NSD3: variants seen among roughly 807,000 people sequenced by gnomAD.
NSD3 encodes the protein histone-lysine N-methyltransferase NSD3.
Under a neutral mutation model 160.8 loss-of-function variants are expected in NSD3, and 24 were observed. That is an observed-to-expected ratio of 0.15 (90% CI 0.11 to 0.21). NSD3 has a LOEUF of 0.21. Among genes scored for constraint, NSD3 ranks in the 10% least tolerant of loss-of-function variants. The pLI is 1.00. For missense variants in NSD3, 1,157 were observed against 1,735.9 expected, an observed-to-expected ratio of 0.67 and a Z score of 5.93; for synonymous variants, 520 against 600.0, an observed-to-expected ratio of 0.87 and a Z score of 1.95.
chr8:38,370,687 T>C (rs1811223697), intron 1 of NSD3, among the ~76,000 whole-genome samples: 1 of 152,152 alleles, frequency 6.6e-6, no homozygotes, highest in Non-Finnish European at 1.5e-5. Context: ...TTTAAACTGG[T>C]TCAAACCTTT....
intron 19 of NSD3, among the ~76,000 whole-genome samples, chr8:38,282,631 A>G (rs979538875): frequency 6.6e-6 from 1 of 152,202 alleles, no homozygotes; most frequent in African/African-American, 2.4e-5. Flanking sequence ...AGATCGCGCC[A>G]CTGCCCTCCA....
intron 1 of NSD3, among the ~76,000 whole-genome samples, chr8:38,369,668 T>A (rs908556224): frequency 3.3e-5 from 5 of 152,178 alleles, no homozygotes; most frequent in Admixed American, 2.0e-4. Context: ...CAAGAATAAT[T>A]TTCATTTGCA....
intron 1 of NSD3, among the ~76,000 whole-genome samples, chr8:38,379,689 T>A (rs1811488639): frequency 6.6e-6 from 1 of 152,240 alleles, no homozygotes; most frequent in Non-Finnish European, 1.5e-5. Context: ...ACTGAGAGGA[T>A]GTTGCCATTT....
Position 38,318,172 on chromosome 8 carries a change from C to T in NSD3, c.1855+723G>A. The T allele has an allele frequency of 1.0e-6, 1 of 997,176 alleles. No homozygotes were observed. The highest frequency in any genetic ancestry group is 2.7e-5 in the East Asian group (1 of 37,716). The allele number at this position is 997,176 out of a possible 1,614,324, so 61.8% of individuals were successfully genotyped here. On this transcript the variant is annotated intron_variant, in intron 9 of 23. Coordinates refer to ENST00000317025, the MANE Select transcript of NSD3 (RefSeq NM_023034.2). The surrounding 1 kb of genome is among the most constrained non-coding windows in gnomAD (Gnocchi z 5.3). ...GTTCTGCTGAGGATCTCCACGGAGA[C>T]CATCGCTGCAGACTTCTCCCCGAGA...
At chr8:38,307,107 A>G (rs1296329541) in intron 12 of NSD3, among the ~76,000 whole-genome samples, 1 of 141,602 alleles carries the variant, frequency 7.1e-6, no homozygotes, top group Admixed American at 7.2e-5. Flanking sequence ...AGAGCGAGAT[A>G]CCGTCTCAAA....
At chr8:38,298,965 A>C (rs2131003960) in intron 15 of NSD3, among the ~76,000 whole-genome samples, 1 of 152,338 alleles carries the variant, frequency 6.6e-6, no homozygotes, top group East Asian at 1.9e-4. Context: ...CAAACATTTA[A>C]GAAGCCCAAT....
In NSD3 at chr8:38,329,695, G is replaced by T. The variant is rs1475193226; in HGVS notation, c.1264C>A (p.Pro422Thr). Reference protein sequence around the residue: ...SKTEVKKTRRPRSVLNTQPEQ... With the variant: ...SKTEVKKTRRTRSVLNTQPEQ... ...GGCTGAGTATTCAGCACAGATCTTG[G>T]TCGTCGGGTTTTTTTAACTTCGGTT... The change falls in exon 6 of 24, where the codon CCA (proline) becomes ACA (threonine). Residue 422 changes from proline (P) to threonine (T), a missense_variant. By Grantham distance (38) the Pro-to-Thr change is conservative. Transcript: ENST00000317025. This position sits in a 1 kb window ranked among gnomAD's most constrained non-coding sequence, Gnocchi z 4.8. 1 of 1,614,180 alleles carries T rather than the reference G, an allele frequency of 6.2e-7. No homozygotes were observed.
Position 38,337,347 on chromosome 8 carries a change from T to C in NSD3, c.868A>G (p.Ser290Gly). 2 of 1,611,722 alleles carry C rather than the reference T, an allele frequency of 1.2e-6. No homozygotes were observed. Among genetic ancestry groups the C allele is most frequent in the African/African-American group, 1.3e-5 (1 of 74,882 alleles). ...TYPWWPCMVSSDPQLEVHTKI... is the reference protein window; with the variant it reads ...TYPWWPCMVSGDPQLEVHTKI... ...GTATGAACCTCAAGCTGGGGATCACTTGAAACCATACAAGGCCACCAAGGA... is the reference window on the plus strand; with the variant it reads ...GTATGAACCTCAAGCTGGGGATCACCTGAAACCATACAAGGCCACCAAGGA... Residue 290 changes from serine (S) to glycine (G), a missense_variant, in exon 4 of 24, where the codon AGT becomes GGT. Coordinates refer to ENST00000317025, the MANE Select transcript of NSD3 (RefSeq NM_023034.2).
intron 1 of NSD3, among the ~76,000 whole-genome samples, chr8:38,375,353 T>C (rs1811363995): frequency 6.6e-6 from 1 of 152,182 alleles, no homozygotes; most frequent in African/African-American, 2.4e-5. Flanking sequence ...AGAATACTTT[T>C]TCAAAGAGCT....
Position 38,288,432 on chromosome 8 carries a change from T to A in NSD3, c.3501+55A>T, listed in dbSNP as rs1406961744. The A allele has an allele frequency of 5.1e-6, 8 of 1,581,732 alleles. No individual in the cohort carries two copies. Among genetic ancestry groups the A allele is most frequent in the Non-Finnish European group, 1.7e-6 (2 of 1,162,962 alleles). ...CCTAGAACTATACCCTACTGAAGCATTCCTGAAAAGCCAGGTTCTGGTCTC... is the reference window on the plus strand; with the variant it reads ...CCTAGAACTATACCCTACTGAAGCAATCCTGAAAAGCCAGGTTCTGGTCTC... On this transcript the variant is annotated intron_variant, in intron 19 of 23. Coordinates refer to ENST00000317025, the MANE Select transcript of NSD3 (RefSeq NM_023034.2). The surrounding 1 kb of genome is among the most constrained non-coding windows in gnomAD (Gnocchi z 4.5).
chr8:38,298,040 AT>A (rs1255195561), intron 15 of NSD3, among the ~76,000 whole-genome samples: 1 of 152,180 alleles, frequency 6.6e-6, no homozygotes, highest in East Asian at 1.9e-4. Flanking sequence ...CACAAGGGAA[AT>A]AAAAAAAAAT....
In NSD3 at chr8:38,317,650, A is replaced by AT; in HGVS notation, c.1855+1244dup. 8.3e-7 allele frequency: 1 copy of AT among 1,200,722 alleles called. No homozygotes were observed. Among genetic ancestry groups the AT allele is most frequent in the South Asian group, 2.3e-5 (1 of 43,596 alleles). The allele number at this position is 1,200,722 out of a possible 1,614,324, so 74.4% of individuals were successfully genotyped here. ...TGCAGATGTGCATTAATGATGCTTT[A>AT]TTTAAAAACAAAAAACCAAAAACAG... On this transcript the variant is annotated intron_variant, in intron 9 of 23. Transcript: ENST00000317025. The surrounding 1 kb of genome is among the most constrained non-coding windows in gnomAD (Gnocchi z 5.3).
intron 12 of NSD3, 105 bp from the exon 13 acceptor site, chr8:38,305,550 A>T: frequency 9.9e-7 from 1 of 1,009,266 alleles, no homozygotes; most frequent in Non-Finnish European, 1.4e-6. Context: ...AGACTCTATT[A>T]CTATACTTAA....
At chr8:38,313,787 C>CAAA (rs547027189) in intron 12 of NSD3, among the ~76,000 whole-genome samples, 8 of 65,402 alleles carry the variant, frequency 1.2e-4, no homozygotes, top group African/African-American at 3.8e-4. Flanking sequence ...GACTCTGTCT[C>CAAA]AAAAAAAAAA....
intron 14 of NSD3, chr8:38,299,792 C>A: frequency 2.5e-6 from 1 of 403,522 alleles, no homozygotes; most frequent in Non-Finnish European, 4.3e-6. Flanking sequence ...ATTCCTTATC[C>A]CTATATATTA....
intron 19 of NSD3, among the ~76,000 whole-genome samples, chr8:38,284,990 T>C (rs1481871082): frequency 2.0e-5 from 3 of 152,222 alleles, no homozygotes; most frequent in East Asian, 1.9e-4. Flanking sequence ...CTCAAAGAGA[T>C]GCTGACTAGA....
chr8:38,359,436 C>T (rs1810904614), intron 1 of NSD3, among the ~76,000 whole-genome samples: 2 of 152,136 alleles, frequency 1.3e-5, no homozygotes. Context: ...AGCCATGAGT[C>T]CTTTCTAATC....
chr8:38,307,129 T>A (rs11991725), intron 12 of NSD3, among the ~76,000 whole-genome samples: 48,587 of 135,062 alleles, frequency 0.36, 9,104 homozygotes, highest in Middle Eastern at 0.47. Flanking sequence ...AAAAAAAAAA[T>A]AAAATAAAAT....
intron 4 of NSD3, among the ~76,000 whole-genome samples, chr8:38,335,696 C>T (rs1368376952): frequency 6.6e-6 from 1 of 152,186 alleles, no homozygotes; most frequent in Non-Finnish European, 1.5e-5. Flanking sequence ...CCTCCTCCAA[C>T]CTCTGTAAAT....
Sources: allele counts gnomAD v4.1 joint callset (sites outside exome capture counted in the v4.1 genomes callset), GRCh38; gene constraint gnomAD v4.1.1; non-coding constraint Gnocchi (gnomAD v3.1); transcripts MANE v1.5; gene names NCBI Gene and HGNC (gene_info 2026-07-23, HGNC 2026-07-21).